Variants in SULF1 observed in about 807,000 individuals in gnomAD.
SULF1 encodes extracellular sulfatase Sulf-1.
In SULF1, 46 loss-of-function variants were observed where a neutral mutation model predicts 110.5. That is an observed-to-expected ratio of 0.42 (90% CI 0.33 to 0.53). SULF1 has a LOEUF of 0.53. Ranked by LOEUF, SULF1 falls within the 20% of genes least tolerant of loss-of-function variation. The pLI is 0.12. For synonymous variants in SULF1, 371 were observed against 387.1 expected, an observed-to-expected ratio of 0.96 and a Z score of 0.49; for missense variants, 941 against 1,094.2, an observed-to-expected ratio of 0.86 and a Z score of 1.98.
chr8:69,638,442 A>G (rs1219655351), intron 19 of SULF1, 60 bp from the exon 20 acceptor site: 3 of 1,571,358 alleles, frequency 1.9e-6, no homozygotes, highest in Non-Finnish European at 2.6e-6. Context: ...TGGAATGGCA[A>G]GCCTGCCTAA....
At chr8:69,637,536 C>T (rs1012305915) in intron 19 of SULF1, 1 of 153,248 alleles carries the variant, frequency 6.5e-6, no homozygotes, top group East Asian at 1.9e-4. Context: ...AAGAAATGCC[C>T]ATTAAAATGA....
intron 1 of SULF1, among the ~76,000 whole-genome samples, chr8:69,485,728 G>A (rs1809678687): frequency 2.0e-5 from 3 of 152,118 alleles, no homozygotes; most frequent in South Asian, 2.1e-4. Flanking sequence ...GCTCCTGTGC[G>A]TTCCCACACT....
At chr8:69,485,706 C>T (rs933471614) in intron 1 of SULF1, among the ~76,000 whole-genome samples, 3 of 152,316 alleles carry the variant, frequency 2.0e-5, no homozygotes, top group Non-Finnish European at 4.4e-5. Flanking sequence ...TTATACTCTC[C>T]GCCCAATGCC....
At chr8:69,655,768 TCTCA>T (rs915962100) in intron 22 of SULF1, among the ~76,000 whole-genome samples, 5 of 152,242 alleles carry the variant, frequency 3.3e-5, no homozygotes, top group Non-Finnish European at 7.3e-5. Context: ...TAATGGCTTC[TCTCA>T]CTCCCAGCTA....
At chr8:69,658,027 A>G (rs1459008769) in intron 22 of SULF1, among the ~76,000 whole-genome samples, 1 of 152,262 alleles carries the variant, frequency 6.6e-6, no homozygotes, top group Non-Finnish European at 1.5e-5. Context: ...TAGGGAATAT[A>G]AAATAAAAAT....
At chr8:69,631,758 C>G (rs1810569056) in intron 19 of SULF1, among the ~76,000 whole-genome samples, 1 of 152,228 alleles carries the variant, frequency 6.6e-6, no homozygotes, top group African/African-American at 2.4e-5. Flanking sequence ...CTCTTGCCCA[C>G]AGCCCCGTGC....
intron 22 of SULF1, among the ~76,000 whole-genome samples, chr8:69,649,520 C>T (rs1812171128): frequency 6.6e-6 from 1 of 152,154 alleles, no homozygotes; most frequent in Admixed American, 6.5e-5. Flanking sequence ...CTTTTCTGGC[C>T]TGGGATCCAA....
In SULF1 at chr8:69,652,851, C is replaced by A. The variant is rs558822725; in HGVS notation, c.2586-5654C>A. Among the ~76,000 whole-genome samples the A allele has an allele frequency of 4.0e-4, 61 of 152,302 alleles. 1 individual carries two copies. The highest frequency in any genetic ancestry group is 1.0e-3 in the African/African-American group (42 of 41,564). Reference sequence around the variant, plus strand: ...CGCTTTTCTTTTTCTGTCCATACATCTTCTTCCACCACGCAGCTGCGTTGG... The same window carrying A: ...CGCTTTTCTTTTTCTGTCCATACATATTCTTCCACCACGCAGCTGCGTTGG... On this transcript the variant is annotated intron_variant, in intron 22 of 22. Transcript: ENST00000402687.
At chr8:69,497,832 C>A (rs1476996378) in intron 2 of SULF1, among the ~76,000 whole-genome samples, 1 of 152,100 alleles carries the variant, frequency 6.6e-6, no homozygotes, top group Non-Finnish European at 1.5e-5. Flanking sequence ...ACTGCAGTAA[C>A]ACACTGACAC....
intron 6 of SULF1, among the ~76,000 whole-genome samples, chr8:69,584,798 A>T (rs925104874): frequency 1.4e-4 from 21 of 152,230 alleles, no homozygotes; most frequent in Non-Finnish European, 2.2e-4. Context: ...GAAAATCTTC[A>T]ATTGAACCAT....
chr8:69,563,896 G>A lies in SULF1; in HGVS notation c.-60-20G>A, dbSNP rs1050023567. 2.6e-5 allele frequency: 39 copies of A among 1,479,738 alleles called. No individual in the cohort carries two copies. The highest frequency in any genetic ancestry group is 2.3e-4 in the Middle Eastern group (1 of 4,272). The allele number at this position is 1,479,738 out of a possible 1,614,324, so 91.7% of individuals were successfully genotyped here. ...ATTTCATTTTAGTCTCACCGTCTCC[G>A]TTTTTCTCTGACTGCCCAGAACTCC... On this transcript the variant is annotated intron_variant, in intron 4 of 22. Coordinates refer to ENST00000402687, the MANE Select transcript of SULF1 (RefSeq NM_001128205.2).
intron 21 of SULF1, among the ~76,000 whole-genome samples, chr8:69,640,216 G>A (rs1811375854): frequency 6.6e-6 from 1 of 152,052 alleles, no homozygotes; most frequent in African/African-American, 2.4e-5. Context: ...GAAAGAGCCT[G>A]CAAAGACTTG....
intron 3 of SULF1, among the ~76,000 whole-genome samples, chr8:69,560,187 G>C (rs1815384967): frequency 6.6e-6 from 1 of 152,114 alleles, no homozygotes; most frequent in Non-Finnish European, 1.5e-5. Context: ...TAGAGACCTA[G>C]CACCAAGCTG....
At chr8:69,496,737 A>G (rs1479614236) in intron 2 of SULF1, among the ~76,000 whole-genome samples, 1 of 152,132 alleles carries the variant, frequency 6.6e-6, no homozygotes, top group Non-Finnish European at 1.5e-5. Flanking sequence ...CACCCTCACA[A>G]TCTTTTTAGG....
intron 5 of SULF1, among the ~76,000 whole-genome samples, chr8:69,572,441 TAGA>T (rs1805302725): frequency 6.6e-6 from 1 of 152,202 alleles, no homozygotes; most frequent in South Asian, 2.1e-4. Flanking sequence ...GTGAAGCACT[TAGA>T]AGAGAACCTG....
chr8:69,560,258 G>A lies in SULF1; in HGVS notation c.-133-3281G>A, dbSNP rs117742432. On this transcript the variant is annotated intron_variant, in intron 3 of 22. Transcript: ENST00000402687. ...CCCTTAAACCTTTGGGAGCAACAGG[G>A]CTTCAGTTTAGATTGGGGTATTGTG... Among the ~76,000 whole-genome samples the A allele has an allele frequency of 7.8e-4, 118 of 152,172 alleles. 1 individual carries two copies. In the East Asian group the frequency reaches 0.02, roughly 26 times the overall value.
chr8:69,511,757 A>G (rs1002666626), intron 3 of SULF1, among the ~76,000 whole-genome samples: 6 of 152,142 alleles, frequency 3.9e-5, no homozygotes, highest in Admixed American at 6.6e-5. Context: ...TTTCACTCTT[A>G]GTGTTGTTTT....
intron 3 of SULF1, among the ~76,000 whole-genome samples, chr8:69,535,699 C>T (rs555920432): frequency 6.6e-6 from 1 of 152,114 alleles, no homozygotes; most frequent in South Asian, 2.1e-4. Context: ...AAATGTATGC[C>T]ACCTACCAAG....
chr8:69,574,378 C>T (rs962698307), intron 5 of SULF1, among the ~76,000 whole-genome samples: 3 of 152,278 alleles, frequency 2.0e-5, no homozygotes, highest in Non-Finnish European at 2.9e-5. Context: ...ACATGTCACT[C>T]GCTGCAATCC....
Sources: allele counts gnomAD v4.1 joint callset (sites outside exome capture counted in the v4.1 genomes callset), GRCh38; gene constraint gnomAD v4.1.1; transcripts MANE v1.5; gene names NCBI Gene and HGNC (gene_info 2026-07-23, HGNC 2026-07-21).